IKZF2: variants seen among roughly 807,000 people sequenced by gnomAD.
IKZF2 encodes the protein IKAROS family zinc finger 2, also known as zinc finger protein Helios.
Under a neutral mutation model 49.2 loss-of-function variants are expected in IKZF2, and 15 were observed. That is an observed-to-expected ratio of 0.30 (90% confidence interval 0.20 to 0.47). The LOEUF is 0.47. Ranked by LOEUF, IKZF2 falls within the 20% of genes least tolerant of loss-of-function variation. The probability of loss-of-function intolerance (pLI) is 1.00; values close to 1 mark genes in which losing one functional copy is unlikely to be tolerated. For missense variants in IKZF2, 567 were observed against 664.6 expected (o/e 0.85, Z 1.61); for synonymous variants, 227 against 221.4 (o/e 1.03, Z -0.23).
At chr2:213,054,856 C>A (rs1700991657) in intron 5 of IKZF2, among the ~76,000 whole-genome samples, 1 of 151,896 alleles carries the variant, frequency 6.6e-6, no homozygotes, top group South Asian at 2.1e-4. Flanking sequence ...AGATTATTTT[C>A]AAAAATAAAA....
chr2:213,144,396 A>T (rs1035890974), intron 4 of IKZF2, among the ~76,000 whole-genome samples: 2 of 152,026 alleles, frequency 1.3e-5, no homozygotes, highest in African/African-American at 2.4e-5. Flanking sequence ...AAATTAATTT[A>T]AAAATTTTGA....
chr2:213,074,567 A>G (rs1018901315), intron 4 of IKZF2, among the ~76,000 whole-genome samples: 1 of 152,210 alleles, frequency 6.6e-6, no homozygotes, highest in African/African-American at 2.4e-5. Flanking sequence ...TAAAATCCAG[A>G]TGGAACATTA....
At chr2:213,015,511 AC>A (rs1696480109) in intron 7 of IKZF2, among the ~76,000 whole-genome samples, 1 of 152,104 alleles carries the variant, frequency 6.6e-6, no homozygotes, top group Non-Finnish European at 1.5e-5. Flanking sequence ...AAAAGAGTCA[AC>A]AAAAAAGCAA....
At position 213,004,979 on chromosome 2, in the gene IKZF2, T is replaced by C. The variant is rs958122215; in HGVS notation, c.*2381A>G. ...CATCCTGGGGCAGGTAGATACATGA[T>C]TGTTCATATACTGAAAAAAAAATAA... On this transcript the variant is annotated 3_prime_UTR_variant, in exon 9 of 9. Coordinates refer to ENST00000434687, the MANE Select transcript of IKZF2 (RefSeq NM_001387220.1). The C allele has an allele frequency of 1.3e-5, 2 of 152,310 alleles. No homozygotes were observed. Among genetic ancestry groups the C allele is most frequent in the Non-Finnish European group, 2.9e-5 (2 of 67,924 alleles). The allele number at this position is 152,310 out of a possible 1,614,324, so 9.4% of individuals were successfully genotyped here.
Position 213,013,903 on chromosome 2 carries a change from C to T in IKZF2, c.744G>A (p.Glu248=). The stretch of plus-strand genomic sequence containing the variant: ...GAGAAATATTGTTGTCCATAATAGG[C>T]TCTTGTTCCTTACAATCTTCCATAG... The part of the protein sequence containing the change: ...VPPMEDCKEQ[E]PIMDNNISLV... Residue 248 remains glutamate, a synonymous_variant, in exon 8 of 9, where the codon GAG becomes GAA. Transcript: ENST00000434687. 6.2e-7 allele frequency: 1 copy of T among 1,611,680 alleles called. No individual in the cohort carries two copies. Among genetic ancestry groups the T allele is most frequent in the Non-Finnish European group, 8.5e-7 (1 of 1,178,210 alleles).
In IKZF2 at chr2:213,000,259, T is replaced by TATATATATATAC; in HGVS notation, c.*7100_*7101insGTATATATATAT. On this transcript the variant is annotated 3_prime_UTR_variant, in exon 9 of 9. Coordinates refer to ENST00000434687, the MANE Select transcript of IKZF2 (RefSeq NM_001387220.1). ...TTAACTTTACATATATATTTATATA[T>TATATATATATAC]ATATATATATATTTCTTTTTTAAAC... 1 of 146,910 alleles carries TATATATATATAC rather than the reference T, an allele frequency of 6.8e-6. No individual in the cohort carries two copies. The highest frequency in any genetic ancestry group is 6.9e-5 in the Admixed American group (1 of 14,598). The allele number at this position is 146,910 out of a possible 1,614,324, so 9.1% of individuals were successfully genotyped here.
At chr2:213,025,910 C>A (rs1373630436) in intron 6 of IKZF2, among the ~76,000 whole-genome samples, 1 of 152,076 alleles carries the variant, frequency 6.6e-6, no homozygotes, top group Admixed American at 6.6e-5. Context: ...TCAAGTTGAT[C>A]CCTTCTTTTC....
At chr2:213,020,730 A>G (rs772896723) in intron 7 of IKZF2, among the ~76,000 whole-genome samples, 6 of 152,164 alleles carry the variant, frequency 3.9e-5, no homozygotes, top group Non-Finnish European at 8.8e-5. Flanking sequence ...CAACTCAACA[A>G]CACATAATCA....
chr2:213,147,260 A>T (rs2061106952), intron 4 of IKZF2: 1 of 238,778 alleles, frequency 4.2e-6, no homozygotes, highest in Non-Finnish European at 8.1e-6. Context: ...TTGGAGAAGA[A>T]ACTTTCACAT....
At chr2:213,051,514 G>T (rs1700671166) in intron 5 of IKZF2, among the ~76,000 whole-genome samples, 1 of 151,878 alleles carries the variant, frequency 6.6e-6, no homozygotes, top group East Asian at 1.9e-4. Context: ...AACCTGGTAA[G>T]ATCTATATCT....
intron 4 of IKZF2, among the ~76,000 whole-genome samples, chr2:213,126,880 T>C (rs1330244843): frequency 2.0e-5 from 3 of 152,226 alleles, no homozygotes; most frequent in African/African-American, 7.2e-5. Flanking sequence ...TATTGATTTC[T>C]TAATGGATTA....
Position 213,013,902 on chromosome 2 carries a change from G to T in IKZF2, c.745C>A (p.Pro249Thr). The T allele has an allele frequency of 6.2e-7, 1 of 1,611,542 alleles. No individual in the cohort carries two copies. The change falls in exon 8 of 9, where the codon CCT becomes ACT. Residue 249 changes from proline to threonine, a missense_variant. Coordinates refer to ENST00000434687, the MANE Select transcript of IKZF2 (RefSeq NM_001387220.1). ...PPMEDCKEQE[P>T]IMDNNISLVP... is the part of the protein sequence containing the mutation. Reference sequence around the variant, plus strand: ...AGAGAAATATTGTTGTCCATAATAGGCTCTTGTTCCTTACAATCTTCCATA... The same window carrying T: ...AGAGAAATATTGTTGTCCATAATAGTCTCTTGTTCCTTACAATCTTCCATA...
In IKZF2 at chr2:213,147,822, C is replaced by T. The variant is rs991070762; in HGVS notation, c.35-10G>A. 6.3e-6 allele frequency: 10 copies of T among 1,593,580 alleles called. No individual in the cohort carries two copies. The highest frequency in any genetic ancestry group is 8.6e-6 in the Non-Finnish European group (10 of 1,161,386). ...GAAAGCTCATTGTCACCTGCTTTCACAAAATATAATCTTTTGGTTTCTATT... is the reference window on the plus strand; with the variant it reads ...GAAAGCTCATTGTCACCTGCTTTCATAAAATATAATCTTTTGGTTTCTATT... On this transcript the variant is annotated splice_polypyrimidine_tract_variant and intron_variant, in intron 3 of 8. Transcript: ENST00000434687.
chr2:213,044,571 G>A (rs911220796), intron 6 of IKZF2, among the ~76,000 whole-genome samples: 4 of 152,152 alleles, frequency 2.6e-5, no homozygotes, highest in Admixed American at 6.5e-5. Flanking sequence ...GATGTACGAC[G>A]CAGGGTAAGG....
intron 6 of IKZF2, among the ~76,000 whole-genome samples, chr2:213,041,373 A>C (rs770822249): frequency 2.0e-4 from 30 of 151,770 alleles, no homozygotes; most frequent in Admixed American, 3.9e-4. Context: ...TCGCTCTGTC[A>C]CCCAGGCTGG....
At chr2:213,097,305 C>G (rs1559269767) in intron 4 of IKZF2, among the ~76,000 whole-genome samples, 1 of 151,602 alleles carries the variant, frequency 6.6e-6, no homozygotes. Context: ...ATAATCATAT[C>G]TAAAGAATTA....
chr2:213,044,666 G>C (rs1375777786), intron 6 of IKZF2, among the ~76,000 whole-genome samples: 1 of 152,220 alleles, frequency 6.6e-6, no homozygotes, highest in Admixed American at 6.5e-5. Flanking sequence ...GCCCTAAGGA[G>C]CACACAAAGG....
At chr2:213,031,275 C>G (rs1328130075) in intron 6 of IKZF2, among the ~76,000 whole-genome samples, 1 of 152,224 alleles carries the variant, frequency 6.6e-6, no homozygotes, top group Non-Finnish European at 1.5e-5. Context: ...AGACAAATGT[C>G]ATTCCTGCAT....
intron 4 of IKZF2, among the ~76,000 whole-genome samples, chr2:213,136,078 GA>G (rs1315529157): frequency 6.9e-6 from 1 of 145,390 alleles, no homozygotes; most frequent in East Asian, 2.1e-4. Flanking sequence ...AAAGAAAAAA[GA>G]AAAGAAAGAG....
Sources: allele counts gnomAD v4.1 joint callset (sites outside exome capture counted in the v4.1 genomes callset), GRCh38; gene constraint gnomAD v4.1.1; transcripts MANE v1.5; gene names NCBI Gene and HGNC (gene_info 2026-07-23, HGNC 2026-07-21).